ERICH5: variants seen among roughly 807,000 people sequenced by gnomAD.
ERICH5 encodes the protein glutamate rich 5.
In ERICH5, 24 loss-of-function variants were observed where a neutral mutation model predicts 28.0. The observed-to-expected ratio is 0.86, with a 90% confidence interval of 0.62 to 1.21. The LOEUF is 1.21. ERICH5 is among the 50% of genes most tolerant of loss of function. The pLI, the probability that ERICH5 is intolerant of heterozygous loss-of-function variation, is 0.00. For synonymous variants in ERICH5, 163 were observed against 157.6 expected (o/e 1.03, Z -0.25); for missense variants, 421 against 441.2 (o/e 0.95, Z 0.41).
Position 98,089,236 on chromosome 8 carries a change from T to C in ERICH5, c.219T>C (p.Ala73=). ...QKLKVSAEPT[A]NGVKPLQEQP... ...TCAAGGTTTCAGCAGAGCCTACAGC[T>C]AATGGTGTTAAACCCCTCCAAGAAC... is the stretch of plus-strand genomic sequence containing the variant. The change falls in exon 2 of 3, where the codon GCT becomes GCC. Residue 73 remains alanine (A), a synonymous_variant. Coordinates refer to ENST00000318528, the MANE Select transcript of ERICH5 (RefSeq NM_173549.3). 6.2e-7 allele frequency: 1 copy of C among 1,614,184 alleles called. No homozygotes were observed. The highest frequency in any genetic ancestry group is 8.5e-7 in the Non-Finnish European group (1 of 1,180,036).
chr8:98,076,210 T>C (rs1180390030), intron 1 of ERICH5, among the ~76,000 whole-genome samples: 1 of 152,022 alleles, frequency 6.6e-6, no homozygotes, highest in African/African-American at 2.4e-5. Context: ...CCCGCCACCA[T>C]GCTCAGATAA....
chr8:98,088,827 G>A (rs1004840025), intron 1 of ERICH5, among the ~76,000 whole-genome samples: 1 of 152,194 alleles, frequency 6.6e-6, no homozygotes, highest in African/African-American at 2.4e-5. Context: ...TGCACAAGGA[G>A]CAAACAGGAG....
intron 1 of ERICH5, among the ~76,000 whole-genome samples, chr8:98,086,249 C>G (rs186112944): frequency 3.3e-5 from 5 of 152,160 alleles, no homozygotes; most frequent in Admixed American, 1.3e-4. Context: ...CATGTGATAA[C>G]TCACTTAACA....
chr8:98,092,807 G>T (rs1046944028), intron 2 of ERICH5, among the ~76,000 whole-genome samples: 1 of 143,754 alleles, frequency 7.0e-6, no homozygotes, highest in African/African-American at 2.6e-5. Context: ...ACAGAGTCTC[G>T]TTCTGTCGCC....
At position 98,089,416 on chromosome 8, in the gene ERICH5, T is replaced by G. The variant is rs781495538; in HGVS notation, c.399T>G (p.Asp133Glu). 1.5e-5 allele frequency: 25 copies of G among 1,614,094 alleles called. No individual in the cohort carries two copies. Among genetic ancestry groups the G allele is most frequent in the East Asian group, 2.2e-5 (1 of 44,890 alleles). Residue 133 changes from aspartate to glutamate, a missense_variant, in exon 2 of 3, where the codon GAT (aspartate) becomes GAG (glutamate). Transcript: ENST00000318528. ...CAGCAGCAGAAGGAAAGAAGAAAGA[T>G]GCAGGAGCAGGGACAGAGGCCGAGT... ...DAPAAEGKKK[D>E]AGAGTEAESL...
intron 1 of ERICH5, among the ~76,000 whole-genome samples, chr8:98,071,389 T>C (rs1250795416): frequency 1.3e-5 from 2 of 152,236 alleles, no homozygotes; most frequent in East Asian, 1.9e-4. Flanking sequence ...AAACCCTGAA[T>C]ACGTGTGGGG....
chr8:98,075,865 C>CA (rs2130516163), intron 1 of ERICH5, among the ~76,000 whole-genome samples: 1 of 137,700 alleles, frequency 7.3e-6, no homozygotes, highest in South Asian at 2.4e-4. Flanking sequence ...TTCACCCATC[C>CA]AAAGTGCTTG....
Position 98,089,190 on chromosome 8 carries a change from G to A in ERICH5, c.173G>A (p.Ser58Asn), listed in dbSNP as rs761860135. ...STVDGNVQRE[S>N]RPPLQKLKVS... ...GTTGATGGCAATGTACAAAGGGAAA[G>A]CCGTCCTCCCTTACAAAAGCTCAAG... is the stretch of plus-strand genomic sequence containing the variant. Residue 58 changes from serine (S) to asparagine (N), a missense_variant, in exon 2 of 3, where the codon AGC (serine) becomes AAC (asparagine). Physicochemically the swap from Ser to Asn is conservative, Grantham distance 46. Coordinates refer to ENST00000318528, the MANE Select transcript of ERICH5 (RefSeq NM_173549.3). 6.2e-7 allele frequency: 1 copy of A among 1,614,202 alleles called. No homozygotes were observed.
intron 1 of ERICH5, among the ~76,000 whole-genome samples, chr8:98,076,109 A>G (rs1414147137): frequency 5.3e-5 from 8 of 151,998 alleles, no homozygotes; most frequent in Non-Finnish European, 1.2e-4. Context: ...GCTGGAGTGC[A>G]ATAGCGCGAT....
chr8:98,091,897 T>TTTCTTTCTTCC (rs1554621694), intron 2 of ERICH5, among the ~76,000 whole-genome samples: 2 of 45,462 alleles, frequency 4.4e-5, no homozygotes, highest in African/African-American at 1.4e-4. Flanking sequence ...TCTTTCTTTC[T>TTTCTTTCTTCC]TTCCTTTCTT....
At chr8:98,076,796 G>A (rs765570984) in intron 1 of ERICH5, among the ~76,000 whole-genome samples, 3 of 149,614 alleles carry the variant, frequency 2.0e-5, no homozygotes, top group South Asian at 2.2e-4. Context: ...AGATTCTGGG[G>A]TGGAGCCCAA....
At chr8:98,073,510 ATATATG>A (rs1814983870) in intron 1 of ERICH5, among the ~76,000 whole-genome samples, 1 of 5,610 alleles carries the variant, frequency 1.8e-4, no homozygotes, top group African/African-American at 8.5e-4. Context: ...ATATATATAT[ATATATG>A]TATATATATA....
chr8:98,073,510 AT>A (rs1814983758), intron 1 of ERICH5, among the ~76,000 whole-genome samples: 4 of 5,610 alleles, frequency 7.1e-4, no homozygotes, highest in African/African-American at 3.4e-3. Flanking sequence ...ATATATATAT[AT>A]ATATGTATAT....
intron 1 of ERICH5, among the ~76,000 whole-genome samples, chr8:98,076,229 T>G (rs1815051187): frequency 6.6e-6 from 1 of 152,058 alleles, no homozygotes; most frequent in Admixed American, 6.6e-5. Flanking sequence ...AATTTTTGTA[T>G]TTTTTGTACA....
At position 98,089,383 on chromosome 8, in the gene ERICH5, G is replaced by A; in HGVS notation, c.366G>A (p.Glu122=). 1 of 1,614,246 alleles carries A rather than the reference G, an allele frequency of 6.2e-7. No homozygotes were observed. The highest frequency in any genetic ancestry group is 8.5e-7 in the Non-Finnish European group (1 of 1,180,044). Reference sequence around the variant, plus strand: ...GGCCGCCTCAACCAGGTGGCAAAGAGGATGCCCCAGCAGCAGAAGGAAAGA... The same window carrying A: ...GGCCGCCTCAACCAGGTGGCAAAGAAGATGCCCCAGCAGCAGAAGGAAAGA... ...ESGPPQPGGK[E]DAPAAEGKKK... is the part of the protein sequence containing the mutation. The change falls in exon 2 of 3, where the codon GAG becomes GAA. Residue 122 remains glutamate, a synonymous_variant. Transcript: ENST00000318528.
At chr8:98,091,990 C>CCT in intron 2 of ERICH5, among the ~76,000 whole-genome samples, 3 of 135,238 alleles carry the variant, frequency 2.2e-5, no homozygotes, top group African/African-American at 5.6e-5. Flanking sequence ...CTCTCTCTCT[C>CCT]TCCCCTTCCT....
At chr8:98,079,153 CTTTTTTTTTTTCCTTTTTTT>C (rs1226724748) in intron 1 of ERICH5, among the ~76,000 whole-genome samples, 25 of 132,396 alleles carry the variant, frequency 1.9e-4, no homozygotes, top group East Asian at 2.2e-4. Context: ...ACATTTTCCT[CTTTTTTTTTTTCCTTTTTTT>C]TTTTTTTTTT....
Position 98,089,751 on chromosome 8 carries a change from T to C in ERICH5, c.734T>C (p.Leu245Pro), listed in dbSNP as rs754807565. 2.5e-6 allele frequency: 4 copies of C among 1,613,994 alleles called. No individual in the cohort carries two copies. In the African/African-American group the frequency reaches 4.0e-5, roughly 16 times the overall value. Residue 245 changes from leucine to proline, a missense_variant, in exon 2 of 3, where the codon CTT becomes CCT. By Grantham distance (98) the Leu-to-Pro change is moderately conservative. Coordinates refer to ENST00000318528, the MANE Select transcript of ERICH5 (RefSeq NM_173549.3). ...GTGGAAACAGCTGAAGAGCAGCAAC[T>C]TCAGGCAACATTGGGAAAAGAGGAG... Reference protein sequence around the residue: ...QFVETAEEQQLQATLGKEEQP... With the variant: ...QFVETAEEQQPQATLGKEEQP...
intron 1 of ERICH5, among the ~76,000 whole-genome samples, chr8:98,076,878 A>G (rs559803743): frequency 5.5e-4 from 83 of 152,228 alleles, no homozygotes; most frequent in Non-Finnish European, 9.7e-4. Flanking sequence ...ATTTGCTTTT[A>G]AAAGCAGCTA....
Sources: allele counts gnomAD v4.1 joint callset (sites outside exome capture counted in the v4.1 genomes callset), GRCh38; gene constraint gnomAD v4.1.1; transcripts MANE v1.5; gene names NCBI Gene and HGNC (gene_info 2026-07-23, HGNC 2026-07-21).